Variants in CCDC69 observed in about 807,000 individuals in gnomAD.
The protein encoded by CCDC69 is coiled-coil domain-containing protein 69.
Under a neutral mutation model 40.3 loss-of-function variants are expected in CCDC69, and 38 were observed. That is an observed-to-expected ratio of 0.94 (90% CI 0.73 to 1.24). The LOEUF is 1.24. Ranked by LOEUF, CCDC69 falls within the 50% of genes most tolerant of loss-of-function variation. The probability of loss-of-function intolerance (pLI) is 0.00; values close to 1 mark genes in which losing one functional copy is unlikely to be tolerated. For missense variants in CCDC69, 389 were observed against 357.9 expected (o/e 1.09, Z -0.70); for synonymous variants, 141 against 138.9 (o/e 1.02, Z -0.11).
intron 4 of CCDC69, among the ~76,000 whole-genome samples, chr5:151,194,745 T>C (rs556285298): frequency 4.7e-4 from 72 of 151,982 alleles, no homozygotes; most frequent in African/African-American, 1.6e-3. Flanking sequence ...ATACAAAAAT[T>C]AGCTGGGCAT....
chr5:151,206,453 T>TG (rs1752854046), intron 1 of CCDC69, among the ~76,000 whole-genome samples: 1 of 152,158 alleles, frequency 6.6e-6, no homozygotes, highest in African/African-American at 2.4e-5. Context: ...GGTTGTCGGG[T>TG]GGGGGTGAAA....
At chr5:151,216,355 T>C (rs898945511) in intron 1 of CCDC69, among the ~76,000 whole-genome samples, 7 of 151,746 alleles carry the variant, frequency 4.6e-5, no homozygotes, top group South Asian at 2.1e-4. Context: ...CTAAAATTAC[T>C]GTGGTCAAGG....
In CCDC69 at chr5:151,208,046, T is replaced by C. The variant is rs149975719; in HGVS notation, c.49-2571A>G. 2.4e-3 allele frequency among the ~76,000 whole-genome samples: 369 copies of C among 151,910 alleles called. 3 individuals carry two copies. Among genetic ancestry groups the C allele is most frequent in the African/African-American group, 8.2e-3 (339 of 41,402 alleles). On this transcript the variant is annotated intron_variant, in intron 1 of 8. Transcript: ENST00000355417. ...TGGGCAAATCATTTGCAGTCAGGAG[T>C]TCGAGATCAACCTGACCAACATGGC...
At chr5:151,214,678 C>T (rs550906964) in intron 1 of CCDC69, among the ~76,000 whole-genome samples, 4 of 152,192 alleles carry the variant, frequency 2.6e-5, no homozygotes, top group African/African-American at 2.4e-5. Flanking sequence ...TGCACCACTC[C>T]GCTGCACCGG....
At position 151,199,088 on chromosome 5, in the gene CCDC69, G is replaced by T; in HGVS notation, c.232-4C>A. The T allele has an allele frequency of 6.2e-7, 1 of 1,612,064 alleles. No individual in the cohort carries two copies. Among genetic ancestry groups the T allele is most frequent in the Non-Finnish European group, 8.5e-7 (1 of 1,178,532 alleles). ...CTAGCTCCCTTTCCTTCTCCACCTG[G>T]GGGCAGAGAGTCCCGGGCAGGACTG... On this transcript the variant is annotated splice_region_variant and splice_polypyrimidine_tract_variant and intron_variant, in intron 3 of 8. Coordinates refer to ENST00000355417, the MANE Select transcript of CCDC69 (RefSeq NM_015621.3).
chr5:151,190,438 G>T (rs920355510), intron 4 of CCDC69, among the ~76,000 whole-genome samples: 1 of 152,086 alleles, frequency 6.6e-6, no homozygotes, highest in Non-Finnish European at 1.5e-5. Flanking sequence ...GGCCAAGGTG[G>T]GTGGATCATC....
At chr5:151,186,433 AGGAGAAGGAGAGGGAG>A (rs1350463305) in intron 5 of CCDC69, among the ~76,000 whole-genome samples, 1 of 149,926 alleles carries the variant, frequency 6.7e-6, no homozygotes, top group Non-Finnish European at 1.5e-5. Context: ...GGGACAGAGA[AGGAGAAGGAGAGGGAG>A]GGAGAAGGAG....
chr5:151,214,304 G>T (rs1283669338), intron 1 of CCDC69, among the ~76,000 whole-genome samples: 1 of 152,222 alleles, frequency 6.6e-6, no homozygotes, highest in Non-Finnish European at 1.5e-5. Flanking sequence ...ATTGGCCGAG[G>T]GTAGAGGCAG....
rs578106298 is a variant in CCDC69 at position 151,205,456 on chromosome 5, G to A, written c.68C>T (p.Pro23Leu). The change falls in exon 2 of 9, where the codon CCA becomes CTA. Residue 23 changes from proline (P) to leucine (L), a missense_variant. By Grantham distance (98) the Pro-to-Leu change is moderately conservative. Coordinates refer to ENST00000355417, the MANE Select transcript of CCDC69 (RefSeq NM_015621.3). The stretch of plus-strand genomic sequence containing the variant: ...GGGCTCTGGTCTGGGTGGCTGTTCT[G>A]GTTCTGGTTCTTGGCGCTTCTGGAA... ...PPKKKRQEPEPEQPPRPEPHE... is the reference protein window; with the variant it reads ...PPKKKRQEPELEQPPRPEPHE... 1 of 1,614,130 alleles carries A rather than the reference G, an allele frequency of 6.2e-7. No homozygotes were observed. Among genetic ancestry groups the A allele is most frequent in the Non-Finnish European group, 8.5e-7 (1 of 1,179,990 alleles).
intron 1 of CCDC69, among the ~76,000 whole-genome samples, chr5:151,205,993 C>T (rs1752849245): frequency 6.6e-6 from 1 of 152,156 alleles, no homozygotes; most frequent in African/African-American, 2.4e-5. Context: ...CCCATCAGTG[C>T]TGCAGCAGAC....
At chr5:151,199,758 A>G (rs1752751900) in intron 3 of CCDC69, among the ~76,000 whole-genome samples, 2 of 152,158 alleles carry the variant, frequency 1.3e-5, no homozygotes. Context: ...GGGCCCTTAC[A>G]AGTCTCAAGG....
chr5:151,184,559 C>T, intron 7 of CCDC69, 118 bp from the exon 8 acceptor site: 1 of 623,802 alleles, frequency 1.6e-6, no homozygotes, highest in South Asian at 2.2e-5. Flanking sequence ...CTAGATGTTA[C>T]ATTTCATGGA....
At chr5:151,192,789 A>G (rs1221134925) in intron 4 of CCDC69, among the ~76,000 whole-genome samples, 2 of 152,224 alleles carry the variant, frequency 1.3e-5, no homozygotes, top group Admixed American at 1.3e-4. Flanking sequence ...GCAATACATA[A>G]AAAGAGTAAT....
chr5:151,195,737 A>AC (rs1752691155), intron 4 of CCDC69, among the ~76,000 whole-genome samples: 1 of 150,578 alleles, frequency 6.6e-6, no homozygotes, highest in Non-Finnish European at 1.5e-5. Context: ...AAAAAAAAAA[A>AC]AACACGCACA....
intron 1 of CCDC69, among the ~76,000 whole-genome samples, chr5:151,206,373 A>G (rs1014242665): frequency 6.6e-6 from 1 of 152,080 alleles, no homozygotes; most frequent in Non-Finnish European, 1.5e-5. Context: ...TTCATTATGT[A>G]GGCATGATTG....
intron 4 of CCDC69, among the ~76,000 whole-genome samples, chr5:151,197,294 G>A (rs572769333): frequency 9.8e-5 from 15 of 152,330 alleles, no homozygotes; most frequent in Non-Finnish European, 1.6e-4. Flanking sequence ...TTGGGAGGCC[G>A]AGGTGGGCGG....
chr5:151,189,355 G>A (rs746051231), intron 4 of CCDC69, among the ~76,000 whole-genome samples: 15 of 151,894 alleles, frequency 9.9e-5, no homozygotes, highest in Non-Finnish European at 1.6e-4. Flanking sequence ...AACTCACTAG[G>A]TGAAATCAAT....
chr5:151,219,712 T>C (rs1405155382), intron 1 of CCDC69, among the ~76,000 whole-genome samples: 1 of 152,226 alleles, frequency 6.6e-6, no homozygotes, highest in Non-Finnish European at 1.5e-5. Flanking sequence ...ACAGTGGCTA[T>C]CTCTTAATTG....
At position 151,185,450 on chromosome 5, in the gene CCDC69, T is replaced by C; in HGVS notation, c.587A>G (p.Asp196Gly). The C allele has an allele frequency of 1.2e-6, 2 of 1,614,084 alleles. No individual in the cohort carries two copies. Among genetic ancestry groups the C allele is most frequent in the Non-Finnish European group, 1.7e-6 (2 of 1,179,948 alleles). The part of the protein sequence containing the change: ...EMKNERIHEL[D>G]RRLILMETVK... ...TGTTTCCATGAGGATCAGCCGCCTG[T>C]CCAGCTCATGAATACGCTCATTCTT... The change falls in exon 7 of 9, where the codon GAC becomes GGC. Residue 196 changes from aspartate to glycine, a missense_variant. By Grantham distance (94) the Asp-to-Gly change is moderately conservative. Transcript: ENST00000355417.
Sources: allele counts gnomAD v4.1 joint callset (sites outside exome capture counted in the v4.1 genomes callset), GRCh38; gene constraint gnomAD v4.1.1; transcripts MANE v1.5; gene names NCBI Gene and HGNC (gene_info 2026-07-23, HGNC 2026-07-21).